The following LPCAT3 variants were observed in gnomAD, a reference collection of about 807,000 sequenced individuals.
LPCAT3 encodes lysophosphatidylcholine acyltransferase 3, also known as lysophospholipid acyltransferase 5.
In LPCAT3, 21 loss-of-function variants were observed where a neutral mutation model predicts 63.4. The observed-to-expected ratio is 0.33, with a 90% confidence interval of 0.23 to 0.48. The LOEUF (loss-of-function observed/expected upper bound fraction) is 0.48, where lower values mean the gene tolerates loss of function less well. Ranked by LOEUF, LPCAT3 falls within the 20% of genes least tolerant of loss-of-function variation. The pLI is 0.99. For missense variants in LPCAT3, 451 were observed against 590.6 expected, an observed-to-expected ratio of 0.76 and a Z score of 2.45; for synonymous variants, 242 against 227.5, an observed-to-expected ratio of 1.06 and a Z score of -0.58.
chr12:7,000,103 A>C (rs879156189), intron 1 of LPCAT3, among the ~76,000 whole-genome samples: 2 of 151,418 alleles, frequency 1.3e-5, no homozygotes, highest in African/African-American at 4.8e-5. Context: ...TATTTTTAGT[A>C]GAGATGGGGT....
intron 2 of LPCAT3, chr12:6,982,999 T>C (rs1946486617): frequency 1.6e-6 from 1 of 619,638 alleles, no homozygotes; most frequent in Non-Finnish European, 3.0e-6. Context: ...TTTGTTTTTT[T>C]AGAGATGCGA....
intron 2 of LPCAT3, 77 bp from the exon 3 acceptor site, chr12:6,982,859 A>T (rs1946485043): frequency 2.2e-6 from 2 of 903,782 alleles, no homozygotes; most frequent in African/African-American, 3.4e-5. Context: ...AACGTAATAT[A>T]TAAAGAAAAA....
Position 6,981,054 on chromosome 12 carries a change from C to T in LPCAT3, c.627G>A (p.Met209Ile). 6.2e-7 allele frequency: 1 copy of T among 1,612,332 alleles called. No homozygotes were observed. Among genetic ancestry groups the T allele is most frequent in the Non-Finnish European group, 8.5e-7 (1 of 1,179,394 alleles). The change falls in exon 6 of 13, where the codon ATG becomes ATA. Residue 209 changes from methionine (M) to isoleucine (I), a missense_variant. Physicochemically the swap from Met to Ile is conservative, Grantham distance 10. Around this residue, in one of 3 missense-constraint regions of LPCAT3, gnomAD observed 304 missense variants for 390.8 expected, o/e 0.78. Transcript: ENST00000261407. ...VGPQFSMNHYMKLVQGELIDI... is the reference protein window; with the variant it reads ...VGPQFSMNHYIKLVQGELIDI... ...CAATCAGCTCTCCCTGCACCAGCTTCATGTAGTGATTCATTGAGAACTGGG... is the reference window on the plus strand; with the variant it reads ...CAATCAGCTCTCCCTGCACCAGCTTTATGTAGTGATTCATTGAGAACTGGG...
chr12:6,982,718 G>A lies in LPCAT3; in HGVS notation c.324C>T (p.Gly108=). The A allele has an allele frequency of 6.2e-7, 1 of 1,614,048 alleles. No individual in the cohort carries two copies. The highest frequency in any genetic ancestry group is 8.5e-7 in the Non-Finnish European group (1 of 1,179,920). Residue 108 remains glycine (G), a synonymous_variant, in exon 3 of 13, where the codon GGC becomes GGT. Coordinates refer to ENST00000261407, the MANE Select transcript of LPCAT3 (RefSeq NM_005768.6). The stretch of plus-strand genomic sequence containing the variant: ...TAGTGAGGACGGCAGTGATGGTGCG[G>A]CCCATTAGTCGAAGGATGAGGAACT... The part of the protein sequence containing the change: ...VLQFLILRLM[G]RTITAVLTTF...
At chr12:6,999,949 T>C (rs1946670280) in intron 1 of LPCAT3, among the ~76,000 whole-genome samples, 1 of 140,306 alleles carries the variant, frequency 7.1e-6, no homozygotes. Context: ...AGACAGAGTC[T>C]CGCTCTGTTC....
chr12:6,995,579 C>A (rs1361893794), intron 1 of LPCAT3, among the ~76,000 whole-genome samples: 1 of 152,098 alleles, frequency 6.6e-6, no homozygotes, highest in Non-Finnish European at 1.5e-5. Flanking sequence ...TCACTGTCAC[C>A]ATGACCATCA....
intron 8 of LPCAT3, 37 bp from the exon 9 acceptor site, chr12:6,978,544 C>G: frequency 6.2e-7 from 1 of 1,612,578 alleles, no homozygotes; most frequent in South Asian, 1.1e-5. Flanking sequence ...TCTTGCCACT[C>G]CCCATACTGG....
chr12:7,002,707 G>C (rs1219991203), intron 1 of LPCAT3, among the ~76,000 whole-genome samples: 5 of 152,172 alleles, frequency 3.3e-5, no homozygotes, highest in African/African-American at 1.2e-4. Context: ...ATACAAGTTT[G>C]AATTCTATAA....
At chr12:6,986,408 A>G (rs1946526370) in intron 1 of LPCAT3, among the ~76,000 whole-genome samples, 1 of 152,198 alleles carries the variant, frequency 6.6e-6, no homozygotes, top group South Asian at 2.1e-4. Context: ...TATATAACAC[A>G]AATGACATAC....
rs782698999 is a variant in LPCAT3 at position 6,981,025 on chromosome 12, A to G, written c.656T>C (p.Ile219Thr). Reference sequence around the variant, plus strand: ...TTACCTGTTTGGTATCTTTCCTGGTATGTCAATCAGCTCTCCCTGCACCAG... The same window carrying G: ...TTACCTGTTTGGTATCTTTCCTGGTGTGTCAATCAGCTCTCCCTGCACCAG... ...MKLVQGELID[I>T]PGKIPNSIIP... is the part of the protein sequence containing the mutation. The change falls in exon 6 of 13, where the codon ATA (isoleucine) becomes ACA (threonine). Residue 219 changes from isoleucine to threonine, a missense_variant. By Grantham distance (89) the Ile-to-Thr change is moderately conservative. Transcript: ENST00000261407. 3.1e-6 allele frequency: 5 copies of G among 1,602,264 alleles called. No individual in the cohort carries two copies. Among genetic ancestry groups the G allele is most frequent in the Non-Finnish European group, 4.3e-6 (5 of 1,175,546 alleles).
rs782815508 is a variant in LPCAT3, at chr12:7,018,237, C to T, written c.151+37G>A. ...CCATTCCTCCCCTACTCCCCGGGGA[C>T]TCCGCGAGGGGCGGAGGGAGGCAGG... On this transcript the variant is annotated intron_variant, in intron 1 of 12. Coordinates refer to ENST00000261407, the MANE Select transcript of LPCAT3 (RefSeq NM_005768.6). This position sits in a 1 kb window ranked among gnomAD's most constrained non-coding sequence, Gnocchi z 4.9. 2.3e-5 allele frequency: 36 copies of T among 1,571,002 alleles called. No homozygotes were observed. In the South Asian group the frequency reaches 3.6e-4, roughly 16 times the overall value.
intron 1 of LPCAT3, among the ~76,000 whole-genome samples, chr12:7,011,105 T>G (rs1349754513): frequency 6.6e-6 from 1 of 152,132 alleles, no homozygotes; most frequent in Admixed American, 6.5e-5. Context: ...AGCCTCAACG[T>G]CCTGAGTTGA....
At chr12:6,988,167 G>C (rs1946547021) in intron 1 of LPCAT3, 1 of 202,638 alleles carries the variant, frequency 4.9e-6, no homozygotes, top group African/African-American at 2.3e-5. Flanking sequence ...CTTGTTTTCA[G>C]GTGCGTTTTG....
chr12:6,986,416 T>C (rs1946526399), intron 1 of LPCAT3, among the ~76,000 whole-genome samples: 2 of 152,164 alleles, frequency 1.3e-5, no homozygotes, highest in South Asian at 4.1e-4. Context: ...ACAAATGACA[T>C]ACAAAATATA....
intron 1 of LPCAT3, among the ~76,000 whole-genome samples, chr12:6,989,086 G>A (rs868952280): frequency 2.6e-5 from 4 of 151,274 alleles, no homozygotes; most frequent in African/African-American, 9.7e-5. Flanking sequence ...TCACGCCATT[G>A]CACTCCAGCC....
intron 1 of LPCAT3, among the ~76,000 whole-genome samples, chr12:6,990,267 C>A (rs1437190493): frequency 6.6e-6 from 1 of 151,276 alleles, no homozygotes; most frequent in Non-Finnish European, 1.5e-5. Context: ...CCCAGCACTT[C>A]GGGAGGCTGA....
At chr12:6,994,611 T>G (rs782149291) in intron 1 of LPCAT3, among the ~76,000 whole-genome samples, 1 of 152,234 alleles carries the variant, frequency 6.6e-6, no homozygotes, top group East Asian at 1.9e-4. Context: ...GGACTACAGG[T>G]GTGCACAGGA....
At chr12:6,994,655 A>G (rs1591552724) in intron 1 of LPCAT3, among the ~76,000 whole-genome samples, 1 of 151,818 alleles carries the variant, frequency 6.6e-6, no homozygotes, top group African/African-American at 2.4e-5. Flanking sequence ...GAGTTTCACC[A>G]TGTTGCTCAG....
At chr12:6,985,771 GT>G (rs1220627223) in intron 1 of LPCAT3, among the ~76,000 whole-genome samples, 183 of 135,628 alleles carry the variant, frequency 1.3e-3, no homozygotes, top group Middle Eastern at 3.8e-3. Flanking sequence ...ATCAACTGGT[GT>G]TTTTTTTTTT....
Sources: gnomAD v4.1 joint callset for allele counts (sites outside exome capture counted in the v4.1 genomes callset) on GRCh38, gnomAD v4.1.1 for gene constraint, gnomAD v4.1.1 regional missense constraint, Gnocchi (gnomAD v3.1) non-coding constraint, MANE v1.5 for transcripts, NCBI Gene and HGNC (gene_info 2026-07-23, HGNC 2026-07-21) for gene names.